Variants in IQCK observed in about 807,000 individuals in gnomAD.
IQCK encodes the protein IQ motif containing K.
IQCK carries 29 observed loss-of-function variants against 28.1 expected under a neutral mutation model. That is an observed-to-expected ratio of 1.03 (90% confidence interval 0.77 to 1.41). The LOEUF is 1.41. Ranked by LOEUF, IQCK falls within the 40% of genes most tolerant of loss-of-function variation. The probability of loss-of-function intolerance (pLI) is 0.00; values close to 1 mark genes in which losing one functional copy is unlikely to be tolerated. For missense variants in IQCK, 359 were observed against 314.7 expected (o/e 1.14, Z -1.07); for synonymous variants, 113 against 115.1 (o/e 0.98, Z 0.12).
Position 19,721,437 on chromosome 16 carries a change from A to C in IQCK, c.181+2950A>C, listed in dbSNP as rs148026956. Among the ~76,000 whole-genome samples, 1,150 of 152,266 alleles carry C rather than the reference A, an allele frequency of 7.6e-3. 10 individuals carry two copies. The highest frequency in any genetic ancestry group is 0.026 in the African/African-American group (1,081 of 41,536). ...TTTCTCCCTCATCTTTCCAGTGACA[A>C]CTGAGTTTTGTATTCTAAAAAGCAC... is the stretch of plus-strand genomic sequence containing the variant. On this transcript the variant is annotated intron_variant, in intron 1 of 7. Coordinates refer to ENST00000564186, the Ensembl canonical transcript of IQCK.
chr16:19,743,487 T>G (rs2054865488), intron 4 of IQCK, among the ~76,000 whole-genome samples: 2 of 152,220 alleles, frequency 1.3e-5, no homozygotes, highest in South Asian at 4.1e-4. Context: ...TCAAGAATAG[T>G]AGTTGTCAGC....
chr16:19,766,096 T>A (rs183104381), intron 6 of IQCK: 1 of 152,332 alleles, frequency 6.6e-6, no homozygotes, highest in Non-Finnish European at 1.5e-5. Flanking sequence ...AACGGGCATT[T>A]ATATTCTCTA....
At chr16:19,755,204 A>G (rs774377539) in intron 4 of IQCK, among the ~76,000 whole-genome samples, 2 of 152,196 alleles carry the variant, frequency 1.3e-5, no homozygotes, top group Admixed American at 6.5e-5. Context: ...GTGATGTTCT[A>G]TGTGTATGCC....
At chr16:19,772,882 G>T (rs1161686074) in intron 6 of IQCK, among the ~76,000 whole-genome samples, 1 of 151,958 alleles carries the variant, frequency 6.6e-6, no homozygotes, top group Non-Finnish European at 1.5e-5. Context: ...GCTCACCTGT[G>T]GTCCCAGCTA....
chr16:19,737,244 A>AATTATCCAT lies in IQCK; in HGVS notation c.474+1796_474+1804dup, dbSNP rs146590221. ...GGTTGACACATCCTAGGGTCTATAA[A>AATTATCCAT]ATTATCCATAGTTAATGATATCACC... On this transcript the variant is annotated intron_variant, in intron 4 of 7. Coordinates refer to ENST00000564186, the Ensembl canonical transcript of IQCK. 3.8e-3 allele frequency among the ~76,000 whole-genome samples: 572 copies of AATTATCCAT among 152,244 alleles called. 8 individuals carry two copies. Among genetic ancestry groups the AATTATCCAT allele is most frequent in the African/African-American group, 0.013 (551 of 41,552 alleles).
chr16:19,747,894 G>A (rs764240820), intron 4 of IQCK, among the ~76,000 whole-genome samples: 4 of 152,152 alleles, frequency 2.6e-5, no homozygotes, highest in Non-Finnish European at 5.9e-5. Context: ...GATACAGGAA[G>A]GGTGGAGAAT....
Position 19,856,484 on chromosome 16 carries a change from C to T in IQCK, c.803-3C>T. On this transcript the variant is annotated splice_region_variant and splice_polypyrimidine_tract_variant and intron_variant, in intron 9 of 9. Transcript: ENST00000320394. Reference sequence around the variant, plus strand: ...CCTGACTTTCCCTTTCTTTTCTTTGCAGTGAAATGCAAAATGGAGGACGAT... The same window carrying T: ...CCTGACTTTCCCTTTCTTTTCTTTGTAGTGAAATGCAAAATGGAGGACGAT... 6.2e-7 allele frequency: 1 copy of T among 1,612,404 alleles called. No homozygotes were observed. The highest frequency in any genetic ancestry group is 8.5e-7 in the Non-Finnish European group (1 of 1,178,830).
At position 19,739,042 on chromosome 16, in the gene IQCK, G is replaced by C. The variant is rs765992557; in HGVS notation, c.474+3592G>C. Among the ~76,000 whole-genome samples, 255 of 152,270 alleles carry C rather than the reference G, an allele frequency of 1.7e-3. 2 individuals carry two copies. Among genetic ancestry groups the C allele is most frequent in the Non-Finnish European group, 1.8e-3 (122 of 68,022 alleles). On this transcript the variant is annotated intron_variant, in intron 4 of 7. Coordinates refer to ENST00000564186, the Ensembl canonical transcript of IQCK. The stretch of plus-strand genomic sequence containing the variant: ...CCCCTTTTGGATCCTGAACAATTCA[G>C]CTGTGGCTCTCAGCTTGCATGGCCC...
intron 7 of IQCK, among the ~76,000 whole-genome samples, chr16:19,805,970 C>T (rs560910203): frequency 3.7e-4 from 57 of 152,072 alleles, no homozygotes; most frequent in Non-Finnish European, 6.2e-4. Context: ...GGTGGGGAGC[C>T]ACAGGACTGG....
chr16:19,772,728 G>T (rs2055336055), intron 6 of IQCK, among the ~76,000 whole-genome samples: 1 of 151,988 alleles, frequency 6.6e-6, no homozygotes, highest in South Asian at 2.1e-4. Flanking sequence ...ATGAGATTAG[G>T]GCTAGATGCA....
chr16:19,731,833 G>A (rs937361036), intron 2 of IQCK, among the ~76,000 whole-genome samples: 4 of 152,192 alleles, frequency 2.6e-5, no homozygotes, highest in Middle Eastern at 3.2e-3. Context: ...TGGTAGAGTG[G>A]CTCAGTCCAA....
At chr16:19,721,870 G>A (rs932640041) in intron 1 of IQCK, among the ~76,000 whole-genome samples, 1 of 152,080 alleles carries the variant, frequency 6.6e-6, no homozygotes, top group Admixed American at 6.5e-5. Flanking sequence ...GAGCCACCGC[G>A]CCTGGCCTTA....
At chr16:19,773,645 G>T (rs1326786613) in intron 6 of IQCK, among the ~76,000 whole-genome samples, 1 of 152,168 alleles carries the variant, frequency 6.6e-6, no homozygotes, top group African/African-American at 2.4e-5. Context: ...TACCATATAT[G>T]AATGAATGGG....
chr16:19,750,253 A>AGGCCT (rs2054968038), intron 4 of IQCK, among the ~76,000 whole-genome samples: 1 of 151,656 alleles, frequency 6.6e-6, no homozygotes, highest in South Asian at 2.1e-4. Flanking sequence ...CAGCCTCCCA[A>AGGCCT]GTAGCTAGGA....
intron 9 of IQCK, among the ~76,000 whole-genome samples, chr16:19,848,484 G>T (rs1401401079): frequency 1.3e-5 from 2 of 152,216 alleles, no homozygotes; most frequent in African/African-American, 4.8e-5. Context: ...GTAACGTTCA[G>T]ATGAGTGACA....
In IQCK at chr16:19,848,357, A is replaced by G. The variant is rs116042786; in HGVS notation, c.803-8130A>G. On this transcript the variant is annotated intron_variant, in intron 9 of 9. Coordinates refer to the IQCK transcript ENST00000320394. ...AGGTCAACTTGCCAGAATGATGTTT[A>G]AAGAATGAGCACCCATGCTCTGAGT... is the stretch of plus-strand genomic sequence containing the variant. 7.1e-3 allele frequency among the ~76,000 whole-genome samples: 1,083 copies of G among 152,332 alleles called. 15 individuals are homozygous for G. The highest frequency in any genetic ancestry group is 0.025 in the African/African-American group (1,045 of 41,580).
chr16:19,766,261 C>G (rs1408223341), intron 6 of IQCK, among the ~76,000 whole-genome samples: 1 of 152,236 alleles, frequency 6.6e-6, no homozygotes, highest in East Asian at 1.9e-4. Context: ...AAGTATGGCC[C>G]TGGCCCCTTG....
chr16:19,746,771 T>C (rs1293021389), intron 4 of IQCK, among the ~76,000 whole-genome samples: 7 of 152,194 alleles, frequency 4.6e-5, no homozygotes, highest in African/African-American at 1.7e-4. Context: ...GGGCAGTGGC[T>C]TTGTGGCAGG....
At chr16:19,754,911 T>C (rs1166856873) in intron 4 of IQCK, among the ~76,000 whole-genome samples, 2 of 152,194 alleles carry the variant, frequency 1.3e-5, no homozygotes, top group African/African-American at 4.8e-5. Flanking sequence ...GCCAAAACAC[T>C]TTCTGAAATG....
Sources: allele counts gnomAD v4.1 joint callset (sites outside exome capture counted in the v4.1 genomes callset), GRCh38; gene constraint gnomAD v4.1.1; transcripts MANE v1.5; gene names NCBI Gene and HGNC (gene_info 2026-07-23, HGNC 2026-07-21).